The following LAMA2 variants were observed in gnomAD, a reference collection of about 807,000 sequenced individuals.
The protein encoded by LAMA2 is laminin subunit alpha-2.
Under a neutral mutation model 364.8 loss-of-function variants are expected in LAMA2, and 269 were observed. That is an observed-to-expected ratio of 0.74 (90% CI 0.67 to 0.82). The LOEUF is 0.82. Among genes scored for constraint, LAMA2 ranks in the 40% least tolerant of loss-of-function variants. The pLI, the probability that LAMA2 is intolerant of heterozygous loss-of-function variation, is 0.00. For synonymous variants in LAMA2, 1,379 were observed against 1,370.6 expected (o/e 1.01, Z -0.14); for missense variants, 3,807 against 3,873.2 (o/e 0.98, Z 0.45).
intron 4 of LAMA2, among the ~76,000 whole-genome samples, chr6:129,106,045 C>A (rs1464853020): frequency 1.3e-5 from 2 of 152,108 alleles, no homozygotes; most frequent in Non-Finnish European, 2.9e-5. Flanking sequence ...CCTTCTCACT[C>A]TCCTGGACTG....
Position 129,507,581 on chromosome 6 carries a change from G to C in LAMA2, c.8796G>C (p.Gly2932=), listed in dbSNP as rs990016980. ...LEQPTSSFHV[G]TCFANAQRGT... ...AACCCACCTCCAGCTTCCATGTTGGGACATGTTTTGCAAATGCTCAGAGGG... is the reference window on the plus strand; with the variant it reads ...AACCCACCTCCAGCTTCCATGTTGGCACATGTTTTGCAAATGCTCAGAGGG... The change falls in exon 62 of 65, where the codon GGG becomes GGC. Residue 2932 remains glycine (G), a synonymous_variant. Coordinates refer to ENST00000421865, the MANE Select transcript of LAMA2 (RefSeq NM_000426.4). 5 of 1,614,044 alleles carry C rather than the reference G, an allele frequency of 3.1e-6. No homozygotes were observed. Among genetic ancestry groups the C allele is most frequent in the South Asian group, 2.2e-5 (2 of 91,086 alleles).
At chr6:129,188,553 C>A (rs1438640790) in intron 10 of LAMA2, among the ~76,000 whole-genome samples, 1 of 151,906 alleles carries the variant, frequency 6.6e-6, no homozygotes, top group Admixed American at 6.6e-5. Context: ...TGCCTTTATA[C>A]TCTTTTGAAG....
At chr6:129,168,472 T>G (rs1779906759) in intron 9 of LAMA2, among the ~76,000 whole-genome samples, 1 of 152,226 alleles carries the variant, frequency 6.6e-6, no homozygotes, top group African/African-American at 2.4e-5. Context: ...ATCAGGTAGT[T>G]GTACATATGC....
chr6:128,979,127 G>C (rs1237031724), intron 1 of LAMA2, among the ~76,000 whole-genome samples: 1 of 152,194 alleles, frequency 6.6e-6, no homozygotes, highest in African/African-American at 2.4e-5. Context: ...AAATATTGCA[G>C]GTGATATGGT....
At chr6:129,225,319 G>T (rs556767303) in intron 12 of LAMA2, among the ~76,000 whole-genome samples, 1 of 152,106 alleles carries the variant, frequency 6.6e-6, no homozygotes, top group South Asian at 2.1e-4. Flanking sequence ...AGGGTTTTTT[G>T]TGACTCTATC....
intron 27 of LAMA2, among the ~76,000 whole-genome samples, 189 bp downstream of exon 27, chr6:129,316,360 A>G (rs1774608685): frequency 6.6e-6 from 1 of 152,188 alleles, no homozygotes; most frequent in Admixed American, 6.5e-5. Flanking sequence ...GAAAAATAGC[A>G]TGAGAAACAC....
chr6:129,374,203 A>G (rs1778241909), intron 34 of LAMA2, among the ~76,000 whole-genome samples: 1 of 152,266 alleles, frequency 6.6e-6, no homozygotes. Flanking sequence ...GAATTAATAC[A>G]GATGGAATTA....
intron 1 of LAMA2, among the ~76,000 whole-genome samples, chr6:128,982,946 AT>A (rs200510072): frequency 0.53 from 79,869 of 149,680 alleles, 23,035 homozygotes; most frequent in East Asian, 0.8. Flanking sequence ...GGAACTCATC[AT>A]TTTTTTATGG....
intron 54 of LAMA2, among the ~76,000 whole-genome samples, chr6:129,479,092 A>G (rs1476201370): frequency 6.6e-6 from 1 of 152,068 alleles, no homozygotes; most frequent in Non-Finnish European, 1.5e-5. Context: ...TTTTTTTCCA[A>G]CACTACTTTT....
chr6:129,445,749 T>G lies in LAMA2; in HGVS notation c.6357T>G (p.Leu2119=). The G allele has an allele frequency of 6.2e-7, 1 of 1,613,784 alleles. No homozygotes were observed. Among genetic ancestry groups the G allele is most frequent in the Middle Eastern group, 1.7e-4 (1 of 6,060 alleles). The change falls in exon 45 of 65, where the codon CTT becomes CTG. Residue 2119 remains leucine, a synonymous_variant. Coordinates refer to ENST00000421865, the MANE Select transcript of LAMA2 (RefSeq NM_000426.4). The stretch of plus-strand genomic sequence containing the variant: ...ATAAACTCAAACCCATCAAGGAACT[T>G]GAGGATAACCTAAAGAAAAACATCT... ...LIDKLKPIKE[L]EDNLKKNISE...
chr6:129,179,166 T>C (rs1780786116), intron 10 of LAMA2, among the ~76,000 whole-genome samples: 1 of 152,138 alleles, frequency 6.6e-6, no homozygotes. Flanking sequence ...TGTATGTCTC[T>C]GTGGGCAATC....
chr6:129,082,084 G>T (rs1225320317), intron 3 of LAMA2, among the ~76,000 whole-genome samples: 1 of 152,034 alleles, frequency 6.6e-6, no homozygotes, highest in Admixed American at 6.6e-5. Flanking sequence ...TGGATGATTG[G>T]ATTAAAAGCC....
intron 1 of LAMA2, among the ~76,000 whole-genome samples, chr6:129,006,270 G>A (rs947952229): frequency 1.3e-5 from 2 of 152,100 alleles, no homozygotes; most frequent in Admixed American, 1.3e-4. Context: ...TGTAAAAATG[G>A]TATTATATTT....
chr6:129,242,882 T>G (rs1394848148), intron 12 of LAMA2, among the ~76,000 whole-genome samples: 1 of 152,094 alleles, frequency 6.6e-6, no homozygotes, highest in Non-Finnish European at 1.5e-5. Flanking sequence ...TCAGAAAACT[T>G]AAAGGAAACA....
intron 3 of LAMA2, among the ~76,000 whole-genome samples, chr6:129,064,228 A>C (rs1229885094): frequency 6.6e-6 from 1 of 152,048 alleles, no homozygotes; most frequent in Non-Finnish European, 1.5e-5. Context: ...AACTTGAGAC[A>C]AATGAGAATG....
intron 8 of LAMA2, among the ~76,000 whole-genome samples, chr6:129,165,320 A>C (rs549826171): frequency 6.6e-6 from 1 of 152,128 alleles, no homozygotes; most frequent in African/African-American, 2.4e-5. Flanking sequence ...ATAAAACATG[A>C]AAATATCAAT....
At chr6:129,439,852 A>ATATG (rs1340379786) in intron 42 of LAMA2, among the ~76,000 whole-genome samples, 1 of 145,526 alleles carries the variant, frequency 6.9e-6, no homozygotes, top group African/African-American at 2.6e-5. Context: ...ATATATATCT[A>ATATG]TCTCAATTGG....
intron 3 of LAMA2, among the ~76,000 whole-genome samples, chr6:129,082,171 C>CT (rs1774100699): frequency 6.6e-6 from 1 of 151,936 alleles, no homozygotes; most frequent in Non-Finnish European, 1.5e-5. Flanking sequence ...AATTTTATTA[C>CT]TTTTTCCAGT....
chr6:129,295,021 A>T (rs763899275), intron 20 of LAMA2, among the ~76,000 whole-genome samples: 4 of 152,200 alleles, frequency 2.6e-5, no homozygotes, highest in Non-Finnish European at 4.4e-5. Flanking sequence ...CTATTGTATG[A>T]AGCAGGGTTT....
Sources: gnomAD v4.1 joint callset for allele counts (sites outside exome capture counted in the v4.1 genomes callset) on GRCh38, gnomAD v4.1.1 for gene constraint, MANE v1.5 for transcripts, NCBI Gene and HGNC (gene_info 2026-07-23, HGNC 2026-07-21) for gene names.